Variants in XKR4 observed in about 807,000 individuals in gnomAD.
The protein encoded by XKR4 is XK related 4.
A neutral mutation model predicts 53.9 loss-of-function variants in XKR4; 12 were observed. The ratio of observed to expected loss-of-function variants is 0.22; its 90% confidence interval spans 0.14 to 0.36. The LOEUF (loss-of-function observed/expected upper bound fraction) is 0.36, where lower values mean the gene tolerates loss of function less well. XKR4 is among the 10% of genes least tolerant of loss of function. The probability of loss-of-function intolerance (pLI) is 1.00; values close to 1 mark genes in which losing one functional copy is unlikely to be tolerated. For synonymous variants in XKR4, 354 were observed against 362.4 expected (o/e 0.98, Z 0.26); for missense variants, 799 against 859.5 (o/e 0.93, Z 0.88).
intron 1 of XKR4, among the ~76,000 whole-genome samples, chr8:55,115,381 T>TATAC (rs1554560335): frequency 1.3e-5 from 2 of 149,612 alleles, no homozygotes; most frequent in East Asian, 2.0e-4. Context: ...GATAGGTGCA[T>TATAC]ACACACACAC....
chr8:55,359,815 G>A (rs1487439408), intron 2 of XKR4, among the ~76,000 whole-genome samples: 1 of 152,106 alleles, frequency 6.6e-6, no homozygotes, highest in Non-Finnish European at 1.5e-5. Context: ...AAAAAAATGA[G>A]GAAAATGCAA....
rs574483986 is a variant in XKR4 at position 55,131,201 on chromosome 8, G to A, written c.806+27907G>A. Among the ~76,000 whole-genome samples, 39 of 98,288 alleles carry A rather than the reference G, an allele frequency of 4.0e-4. No homozygotes were observed. The East Asian group carries it at 0.014, about 35-fold the overall frequency. 64.5% of individuals were successfully genotyped at this position (98,288 alleles called of 152,430 possible). On this transcript the variant is annotated intron_variant, in intron 1 of 2. Coordinates refer to ENST00000327381, the MANE Select transcript of XKR4 (RefSeq NM_052898.2). The stretch of plus-strand genomic sequence containing the variant: ...AACAACAACAAATGCAGACTCTTGA[G>A]CCACGCCTCAAATCCATTACATCAC...
At chr8:55,183,905 T>C (rs553830089) in intron 1 of XKR4, among the ~76,000 whole-genome samples, 349 of 152,280 alleles carry the variant, frequency 2.3e-3, no homozygotes, top group Non-Finnish European at 3.9e-3. Context: ...TTTATGTAAT[T>C]TGAATCTCTA....
intron 1 of XKR4, among the ~76,000 whole-genome samples, chr8:55,170,011 T>C (rs1042481408): frequency 1.1e-4 from 16 of 152,240 alleles, no homozygotes; most frequent in Admixed American, 5.9e-4. Flanking sequence ...AATAACTTAG[T>C]TATTTCATAG....
chr8:55,294,274 C>T (rs1299550596), intron 1 of XKR4, among the ~76,000 whole-genome samples: 1 of 152,170 alleles, frequency 6.6e-6, no homozygotes, highest in Non-Finnish European at 1.5e-5. Context: ...CTAAGAAGCT[C>T]TTGAACAGGG....
chr8:55,210,942 G>A (rs1033683268), intron 1 of XKR4, among the ~76,000 whole-genome samples: 5 of 152,170 alleles, frequency 3.3e-5, no homozygotes, highest in Non-Finnish European at 7.4e-5. Context: ...TCCCCTGACT[G>A]CACATATGTC....
intron 2 of XKR4, among the ~76,000 whole-genome samples, chr8:55,422,690 TG>T (rs1166186726): frequency 2.6e-5 from 4 of 152,156 alleles, no homozygotes; most frequent in Non-Finnish European, 5.9e-5. Flanking sequence ...CCTCAGACTT[TG>T]GGGATAGCAT....
At chr8:55,495,315 C>T (rs1235240271) in intron 2 of XKR4, among the ~76,000 whole-genome samples, 1 of 152,156 alleles carries the variant, frequency 6.6e-6, no homozygotes, top group African/African-American at 2.4e-5. Context: ...CACAGAGATG[C>T]CTGGGTCTGG....
At chr8:55,491,478 G>A (rs1276355769) in intron 2 of XKR4, among the ~76,000 whole-genome samples, 3 of 152,140 alleles carry the variant, frequency 2.0e-5, no homozygotes, top group African/African-American at 7.2e-5. Context: ...TGAGCTTGAT[G>A]TTTTGGGGGC....
chr8:55,294,510 G>A (rs150966966), intron 1 of XKR4, among the ~76,000 whole-genome samples: 9 of 152,200 alleles, frequency 5.9e-5, no homozygotes, highest in South Asian at 4.2e-4. Context: ...AAAAGCCTTG[G>A]TGCACAGGTT....
chr8:55,327,663 A>G (rs1000658095), intron 1 of XKR4, among the ~76,000 whole-genome samples: 3 of 152,236 alleles, frequency 2.0e-5, no homozygotes, highest in African/African-American at 7.2e-5. Flanking sequence ...GTCTTTTAAT[A>G]CATATAAGTA....
At chr8:55,183,930 A>C (rs982225602) in intron 1 of XKR4, among the ~76,000 whole-genome samples, 1 of 152,082 alleles carries the variant, frequency 6.6e-6, no homozygotes, top group African/African-American at 2.4e-5. Context: ...GTGTGTACAC[A>C]TTGAGGATGG....
intron 2 of XKR4, among the ~76,000 whole-genome samples, chr8:55,511,674 T>TG (rs1404771402): frequency 1.3e-5 from 2 of 152,248 alleles, no homozygotes; most frequent in Non-Finnish European, 2.9e-5. Flanking sequence ...TCCAACAAAG[T>TG]GGACTCTATT....
chr8:55,280,993 A>G (rs1563314407), intron 1 of XKR4, among the ~76,000 whole-genome samples: 1 of 152,210 alleles, frequency 6.6e-6, no homozygotes, highest in South Asian at 2.1e-4. Flanking sequence ...GTTAAAATGT[A>G]CTATACAACG....
intron 1 of XKR4, among the ~76,000 whole-genome samples, chr8:55,140,501 G>A (rs1816688175): frequency 6.6e-6 from 1 of 152,202 alleles, no homozygotes; most frequent in Non-Finnish European, 1.5e-5. Flanking sequence ...CAAGAGCTTA[G>A]GGCACAGTTC....
chr8:55,146,941 C>T (rs1448530651), intron 1 of XKR4, among the ~76,000 whole-genome samples: 7 of 152,052 alleles, frequency 4.6e-5, no homozygotes, highest in Admixed American at 1.3e-4. Context: ...ACATAGCAGC[C>T]GATGTTGCAG....
chr8:55,263,078 G>A (rs562336315), intron 1 of XKR4, among the ~76,000 whole-genome samples: 3 of 152,280 alleles, frequency 2.0e-5, no homozygotes, highest in Admixed American at 2.0e-4. Context: ...CCTCAGTTCA[G>A]TTCAGCCCCC....
chr8:55,312,789 A>C (rs1278076614), intron 1 of XKR4, among the ~76,000 whole-genome samples: 1 of 152,168 alleles, frequency 6.6e-6, no homozygotes, highest in East Asian at 1.9e-4. Flanking sequence ...AACTGTCTCT[A>C]ATCACTAGAA....
intron 2 of XKR4, among the ~76,000 whole-genome samples, chr8:55,492,021 C>A (rs1327615504): frequency 6.6e-6 from 1 of 152,222 alleles, no homozygotes; most frequent in East Asian, 1.9e-4. Flanking sequence ...GCCATCTCAG[C>A]TCTCCTGAAC....
Sources: gnomAD v4.1 joint callset for allele counts (sites outside exome capture counted in the v4.1 genomes callset) on GRCh38, gnomAD v4.1.1 for gene constraint, MANE v1.5 for transcripts, NCBI Gene and HGNC (gene_info 2026-07-23, HGNC 2026-07-21) for gene names.